The following UBAC2 variants were observed in gnomAD, a reference collection of about 807,000 sequenced individuals.
UBAC2 encodes the protein UBA domain containing 2, also known as ubiquitin-associated domain-containing protein 2.
Under a neutral mutation model 44.0 loss-of-function variants are expected in UBAC2, and 26 were observed. That is an observed-to-expected ratio of 0.59 (90% CI 0.43 to 0.82). The LOEUF is 0.82. Ranked by LOEUF, UBAC2 falls within the 40% of genes least tolerant of loss-of-function variation. UBAC2 has a pLI of 0.00. For synonymous variants in UBAC2, 155 were observed against 154.3 expected (o/e 1.00, Z -0.04); for missense variants, 329 against 419.4 (o/e 0.78, Z 1.88).
chr13:99,381,831 T>C (rs1743379483), intron 8 of UBAC2, among the ~76,000 whole-genome samples: 1 of 152,202 alleles, frequency 6.6e-6, no homozygotes, highest in African/African-American at 2.4e-5. Flanking sequence ...GTGTGAATTC[T>C]GAGAACCAAG....
chr13:99,206,748 C>T (rs543812340), intron 1 of UBAC2, among the ~76,000 whole-genome samples: 2 of 152,348 alleles, frequency 1.3e-5, no homozygotes, highest in East Asian at 3.9e-4. Flanking sequence ...AGCTAAGTTT[C>T]TGGGATTCAG....
intron 8 of UBAC2, among the ~76,000 whole-genome samples, chr13:99,380,879 A>G (rs565758312): frequency 2.0e-5 from 3 of 152,348 alleles, no homozygotes; most frequent in Admixed American, 6.5e-5. Context: ...CTTCTCACCC[A>G]TAAAAATCAC....
chr13:99,329,120 T>C (rs2044679213), intron 6 of UBAC2, among the ~76,000 whole-genome samples: 2 of 152,258 alleles, frequency 1.3e-5, no homozygotes, highest in African/African-American at 4.8e-5. Flanking sequence ...TAGGTTTATT[T>C]CTTGACTCTT....
intron 8 of UBAC2, among the ~76,000 whole-genome samples, chr13:99,377,901 G>T (rs187491884): frequency 9.2e-5 from 14 of 152,312 alleles, no homozygotes; most frequent in African/African-American, 2.9e-4. Flanking sequence ...GTCACACGGG[G>T]CCAACTCCAA....
At chr13:99,300,076 G>A (rs895861878) in intron 4 of UBAC2, among the ~76,000 whole-genome samples, 37 of 152,300 alleles carry the variant, frequency 2.4e-4, no homozygotes, top group African/African-American at 8.2e-4. Context: ...TGGCACATGC[G>A]CAACATTGCC....
At chr13:99,332,521 G>T (rs72649582) in intron 6 of UBAC2, among the ~76,000 whole-genome samples, 10,712 of 152,184 alleles carry the variant, frequency 0.07, 531 homozygotes, top group East Asian at 0.13. Context: ...ATGGGGGGCT[G>T]CTCCCTCTGA....
intron 6 of UBAC2, among the ~76,000 whole-genome samples, chr13:99,322,466 G>C (rs2044580960): frequency 6.6e-6 from 1 of 152,114 alleles, no homozygotes; most frequent in Admixed American, 6.5e-5. Context: ...AATAGAAAGA[G>C]CCTTCTTTTG....
chr13:99,215,701 G>T, intron 1 of UBAC2: 2 of 1,499,324 alleles, frequency 1.3e-6, no homozygotes, highest in East Asian at 2.3e-5. Context: ...CTCTGCGAGC[G>T]GGAAACCGCC....
intron 7 of UBAC2, among the ~76,000 whole-genome samples, chr13:99,352,004 G>C (rs1686082079): frequency 6.6e-6 from 1 of 152,156 alleles, no homozygotes; most frequent in Non-Finnish European, 1.5e-5. Context: ...AACATTCTGT[G>C]GCTGTGAAAA....
intron 7 of UBAC2, among the ~76,000 whole-genome samples, chr13:99,350,837 T>C (rs536454987): frequency 6.6e-6 from 1 of 152,344 alleles, no homozygotes; most frequent in South Asian, 2.1e-4. Flanking sequence ...GCCCTTAACC[T>C]GTGGGCTCTG....
chr13:99,378,784 G>A (rs560804991), intron 8 of UBAC2, among the ~76,000 whole-genome samples: 12 of 152,226 alleles, frequency 7.9e-5, no homozygotes, highest in East Asian at 7.7e-4. Flanking sequence ...CATCCTTCAC[G>A]CTAAACGCCT....
intron 4 of UBAC2, among the ~76,000 whole-genome samples, chr13:99,281,603 C>G (rs763799105): frequency 7.2e-5 from 11 of 152,174 alleles, no homozygotes; most frequent in Non-Finnish European, 1.5e-4. Flanking sequence ...CAGAAACCTT[C>G]AGCGCTATTT....
chr13:99,294,070 A>G (rs1258807654), intron 4 of UBAC2, among the ~76,000 whole-genome samples: 1 of 152,182 alleles, frequency 6.6e-6, no homozygotes, highest in Non-Finnish European at 1.5e-5. Flanking sequence ...AATATTGTAA[A>G]GAATCCTAAG....
At chr13:99,268,104 C>T (rs2043766743) in intron 4 of UBAC2, among the ~76,000 whole-genome samples, 1 of 152,222 alleles carries the variant, frequency 6.6e-6, no homozygotes, top group Admixed American at 6.5e-5. Context: ...GATGTCACTC[C>T]TGCTCCCAAA....
intron 2 of UBAC2, among the ~76,000 whole-genome samples, chr13:99,242,056 A>G (rs1358666247): frequency 6.6e-6 from 1 of 151,660 alleles, no homozygotes; most frequent in Admixed American, 6.6e-5. Flanking sequence ...GGTTGGGGGT[A>G]AGGTCACAGA....
intron 7 of UBAC2, 32 bp from the exon 8 acceptor site, chr13:99,367,755 T>C: frequency 6.2e-7 from 1 of 1,613,854 alleles, no homozygotes; most frequent in African/African-American, 1.3e-5. Flanking sequence ...GCTCCTTCTG[T>C]GTCTGATAAC....
intron 4 of UBAC2, among the ~76,000 whole-genome samples, chr13:99,275,070 G>A (rs1376960176): frequency 1.3e-5 from 2 of 152,138 alleles, no homozygotes; most frequent in African/African-American, 4.8e-5. Flanking sequence ...TTTCTGCTGG[G>A]TATGTACCTA....
At position 99,262,740 on chromosome 13, in the gene UBAC2, A is replaced by G. The variant is rs12870206; in HGVS notation, c.389+18116A>G. ...AAAAAAAAAAAAAAAAAAAAAAAAA[A>G]GGACTTGTGGAAGGTAAAGGAACAA... On this transcript the variant is annotated intron_variant, in intron 4 of 8. Coordinates refer to ENST00000403766, the MANE Select transcript of UBAC2 (RefSeq NM_001144072.2). Among the ~76,000 whole-genome samples, 324 of 141,554 alleles carry G rather than the reference A, an allele frequency of 2.3e-3. 4 individuals are homozygous for G. The highest frequency in any genetic ancestry group is 9.3e-3 in the South Asian group (40 of 4,320). The allele number at this position is 141,554 out of a possible 152,430, so 92.9% of individuals were successfully genotyped here. A position where few individuals can be genotyped will look rare whatever the true frequency, so the allele number is the denominator to read the frequency against.
At chr13:99,280,724 C>T (rs922720719) in intron 4 of UBAC2, among the ~76,000 whole-genome samples, 1 of 152,172 alleles carries the variant, frequency 6.6e-6, no homozygotes, top group African/African-American at 2.4e-5. Flanking sequence ...GATCGGTCTG[C>T]CACATGCTAG....
Sources: allele counts gnomAD v4.1 joint callset (sites outside exome capture counted in the v4.1 genomes callset), GRCh38; gene constraint gnomAD v4.1.1; transcripts MANE v1.5; gene names NCBI Gene and HGNC (gene_info 2026-07-23, HGNC 2026-07-21).